MCF2L: variants seen among roughly 807,000 people sequenced by gnomAD.
MCF2L encodes guanine nucleotide exchange factor DBS.
Under a neutral mutation model 153.4 loss-of-function variants are expected in MCF2L, and 97 were observed. The observed-to-expected ratio is 0.63, with a 90% confidence interval of 0.54 to 0.75. MCF2L has a LOEUF of 0.75. Ranked by LOEUF, MCF2L falls within the 30% of genes least tolerant of loss-of-function variation. MCF2L has a pLI of 0.00. For missense variants in MCF2L, 1,347 were observed against 1,495.2 expected, an observed-to-expected ratio of 0.90 and a Z score of 1.64; for synonymous variants, 659 against 632.2, an observed-to-expected ratio of 1.04 and a Z score of -0.64.
At chr13:112,924,842 C>G (rs2081387152) in intron 2 of MCF2L, among the ~76,000 whole-genome samples, 1 of 152,180 alleles carries the variant, frequency 6.6e-6, no homozygotes, top group African/African-American at 2.4e-5. Flanking sequence ...TCTATACAGC[C>G]TCTTTAATGA....
At chr13:112,925,135 A>G (rs1300272082) in intron 2 of MCF2L, among the ~76,000 whole-genome samples, 1 of 152,258 alleles carries the variant, frequency 6.6e-6, no homozygotes, top group Admixed American at 6.5e-5. Context: ...TCCAATAAGC[A>G]TATGAGAATG....
intron 2 of MCF2L, among the ~76,000 whole-genome samples, chr13:113,022,496 A>G (rs1355012500): frequency 6.7e-6 from 1 of 149,984 alleles, no homozygotes; most frequent in Non-Finnish European, 1.5e-5. Context: ...GCGTCACTCC[A>G]CACACATAGG....
chr13:113,026,240 G>A (rs375538962), intron 3 of MCF2L, among the ~76,000 whole-genome samples: 9 of 151,038 alleles, frequency 6.0e-5, no homozygotes, highest in Non-Finnish European at 7.4e-5. Flanking sequence ...TGGGGTCCCC[G>A]TGACTGTGGG....
At chr13:112,896,463 C>CG (rs911299951) in intron 1 of MCF2L, among the ~76,000 whole-genome samples, 1 of 152,122 alleles carries the variant, frequency 6.6e-6, no homozygotes, top group South Asian at 2.1e-4. Context: ...AGAGGCCCCC[C>CG]CTGTCTTTAC....
Position 112,984,809 on chromosome 13 carries a change from G to A in MCF2L, c.79+15351G>A, listed in dbSNP as rs577518037. Among the ~76,000 whole-genome samples, 43 of 152,292 alleles carry A rather than the reference G, an allele frequency of 2.8e-4. No individual in the cohort carries two copies. The East Asian group carries it at 5.4e-3, about 19-fold the overall frequency. The stretch of plus-strand genomic sequence containing the variant: ...AAGGAAAGCTGGAAGGGGAGAGGGC[G>A]TCAGGATGCAGGTCCCGGTGTCTCT... On this transcript the variant is annotated intron_variant, in intron 1 of 29. Coordinates refer to ENST00000535094, the MANE Select transcript of MCF2L (RefSeq NM_001112732.3).
At position 113,088,376 on chromosome 13, in the gene MCF2L, T is replaced by C; in HGVS notation, c.2738T>C (p.Val913Ala). 1 of 1,614,044 alleles carries C rather than the reference T, an allele frequency of 6.2e-7. No individual in the cohort carries two copies. Among genetic ancestry groups the C allele is most frequent in the South Asian group, 1.1e-5 (1 of 91,086 alleles). ...GCGTGGGTGAATGAAATTCGGAAAGTGCTGACCAGCCAGCTGCAGGCTTGT... is the reference window on the plus strand; with the variant it reads ...GCGTGGGTGAATGAAATTCGGAAAGCGCTGACCAGCCAGCTGCAGGCTTGT... ...KAAWVNEIRK[V>A]LTSQLQACRE... Residue 913 changes from valine (V) to alanine (A), a missense_variant, in exon 24 of 30, where the codon GTG (valine) becomes GCG (alanine). By Grantham distance (64) the Val-to-Ala change is moderately conservative. Around this residue, in one of 3 missense-constraint regions of MCF2L, gnomAD observed 383 missense variants for 335.4 expected, o/e 1.14. Coordinates refer to ENST00000535094, the MANE Select transcript of MCF2L (RefSeq NM_001112732.3).
chr13:112,971,979 G>T (rs1297766265), intron 1 of MCF2L, among the ~76,000 whole-genome samples: 1 of 152,248 alleles, frequency 6.6e-6, no homozygotes. Context: ...CACCTTGGGG[G>T]CTTGTTAAAG....
chr13:113,018,495 GT>G (rs1566743873), intron 2 of MCF2L, among the ~76,000 whole-genome samples: 1 of 152,290 alleles, frequency 6.6e-6, no homozygotes, highest in Non-Finnish European at 1.5e-5. Flanking sequence ...TGAGTCATCC[GT>G]TTGACTCTTT....
intron 3 of MCF2L, among the ~76,000 whole-genome samples, chr13:113,032,170 G>C (rs1199952591): frequency 6.6e-6 from 1 of 152,118 alleles, no homozygotes; most frequent in Non-Finnish European, 1.5e-5. Context: ...TCGGTTTGTC[G>C]TCCCCCTGCG....
chr13:112,919,097 T>A (rs1186253417), intron 2 of MCF2L, among the ~76,000 whole-genome samples: 2 of 152,250 alleles, frequency 1.3e-5, no homozygotes, highest in African/African-American at 4.8e-5. Flanking sequence ...AACAATTTCA[T>A]TAATTCAAAT....
chr13:112,972,656 G>A (rs910171398), intron 1 of MCF2L, among the ~76,000 whole-genome samples: 20 of 144,098 alleles, frequency 1.4e-4, no homozygotes, highest in African/African-American at 5.2e-4. Context: ...ATAGATGGAT[G>A]AGTGGATATA....
intron 1 of MCF2L, chr13:112,979,844 G>C: frequency 7.8e-7 from 1 of 1,289,330 alleles, no homozygotes; most frequent in Non-Finnish European, 1.1e-6. Flanking sequence ...TGCCTCCCTG[G>C]GGTATTTCTC....
At chr13:112,944,814 C>T (rs2081620215) in intron 2 of MCF2L, among the ~76,000 whole-genome samples, 1 of 152,124 alleles carries the variant, frequency 6.6e-6, no homozygotes, top group African/African-American at 2.4e-5. Flanking sequence ...GAGCCAGCCT[C>T]TTAGGGAAGG....
At chr13:112,942,797 C>G (rs1333113532) in intron 2 of MCF2L, among the ~76,000 whole-genome samples, 3 of 152,140 alleles carry the variant, frequency 2.0e-5, no homozygotes, top group Non-Finnish European at 2.9e-5. Context: ...TGGTTCTGCT[C>G]CCCTATTGTG....
Position 112,943,990 on chromosome 13 carries a change from G to GGCC in MCF2L, c.169+41620_169+41621insCCG, listed in dbSNP as rs1179222136. ...CCCGGGCCGTGAGGGGAGGGTCCCG[G>GGCC]GTGAGGGGAGGGTCCCGGGCCTTGA... On this transcript the variant is annotated intron_variant, in intron 2 of 29. Transcript: ENST00000375608. This position sits in a 1 kb window ranked among gnomAD's most constrained non-coding sequence, Gnocchi z 4.2. 6.7e-6 allele frequency among the ~76,000 whole-genome samples: 1 copy of GGCC among 149,094 alleles called. No individual in the cohort carries two copies. Among genetic ancestry groups the GGCC allele is most frequent in the Admixed American group, 6.6e-5 (1 of 15,088 alleles).
At chr13:113,024,600 G>A (rs757084946) in intron 2 of MCF2L, 44 bp from the exon 3 acceptor site, 2 of 1,335,316 alleles carry the variant, frequency 1.5e-6, no homozygotes, top group Non-Finnish European at 1.1e-6. Context: ...ACCCCCGGGG[G>A]CATGGAGCCC....
chr13:113,046,613 A>T lies in MCF2L; in HGVS notation c.369+1252A>T. 1 of 532,952 alleles carries T rather than the reference A, an allele frequency of 1.9e-6. No individual in the cohort carries two copies. The highest frequency in any genetic ancestry group is 1.4e-5 in the South Asian group (1 of 71,562). The allele number at this position is 532,952 out of a possible 1,614,324, so 33.0% of individuals were successfully genotyped here. The stretch of plus-strand genomic sequence containing the variant: ...CTTTTACAAGAATTAGAGGCCCCAT[A>T]TCTGCTCCGATGCCCACAACCTTCA... On this transcript the variant is annotated intron_variant, in intron 4 of 29. Transcript: ENST00000535094. The surrounding 1 kb of genome is among the most constrained non-coding windows in gnomAD (Gnocchi z 4.4).
intron 2 of MCF2L, chr13:112,910,068 T>A (rs1478234067): frequency 6.6e-6 from 1 of 152,240 alleles, no homozygotes; most frequent in African/African-American, 2.4e-5. Context: ...TATGCATCTG[T>A]CTTACATAGC....
chr13:113,022,750 CCAGGGGGCTTT>C (rs2084969683), intron 2 of MCF2L, among the ~76,000 whole-genome samples: 1 of 152,234 alleles, frequency 6.6e-6, no homozygotes, highest in African/African-American at 2.4e-5. Flanking sequence ...GAGCCACATC[CCAGGGGGCTTT>C]GAGCCCCCAC....
Sources: allele counts gnomAD v4.1 joint callset (sites outside exome capture counted in the v4.1 genomes callset), GRCh38; gene constraint gnomAD v4.1.1; regional missense constraint gnomAD v4.1.1; non-coding constraint Gnocchi (gnomAD v3.1); transcripts MANE v1.5; gene names NCBI Gene and HGNC (gene_info 2026-07-23, HGNC 2026-07-21).